Variants in KIF26B observed in about 807,000 individuals in gnomAD.
The protein encoded by KIF26B is kinesin-like protein KIF26B.
In KIF26B, 63 loss-of-function variants were observed where a neutral mutation model predicts 151.2. That is an observed-to-expected ratio of 0.42 (90% CI 0.34 to 0.51). The LOEUF is 0.51. KIF26B is among the 20% of genes least tolerant of loss of function. The probability of loss-of-function intolerance (pLI) is 0.07; values close to 1 mark genes in which losing one functional copy is unlikely to be tolerated. For missense variants in KIF26B, 2,813 were observed against 2,913.6 expected, an observed-to-expected ratio of 0.97 and a Z score of 0.79; for synonymous variants, 1,357 against 1,262.1, an observed-to-expected ratio of 1.08 and a Z score of -1.59.
rs532393877 is a variant in KIF26B at position 245,186,011 on chromosome 1, A to G, written c.465+29328A>G. 1.4e-4 allele frequency among the ~76,000 whole-genome samples: 21 copies of G among 152,080 alleles called. 2 individuals are homozygous for G. The East Asian group carries it at 3.5e-3, about 25-fold the overall frequency. ...TGCCTCAGCCTCCTGAGTAGCTGGG[A>G]TTACAGGTGCCCGCCACCACGTCCA... On this transcript the variant is annotated intron_variant, in intron 2 of 14. Coordinates refer to ENST00000407071, the MANE Select transcript of KIF26B (RefSeq NM_018012.4).
At chr1:245,569,685 G>A (rs986648634) in intron 5 of KIF26B, among the ~76,000 whole-genome samples, 8 of 151,718 alleles carry the variant, frequency 5.3e-5, no homozygotes, top group African/African-American at 1.7e-4. Flanking sequence ...CCAGCTACTC[G>A]GGAGGCTGAG....
intron 2 of KIF26B, among the ~76,000 whole-genome samples, chr1:245,184,081 A>AG: frequency 3.0e-4 from 1 of 3,326 alleles, no homozygotes; most frequent in East Asian, 0.016. Context: ...AGCTTTCTTA[A>AG]GTATACCTGT....
intron 4 of KIF26B, among the ~76,000 whole-genome samples, chr1:245,429,095 G>T (rs1658716197): frequency 6.6e-6 from 1 of 152,168 alleles, no homozygotes; most frequent in Admixed American, 6.5e-5. Context: ...CTTGAGGCAA[G>T]TAACTTAACC....
At position 245,440,896 on chromosome 1, in the gene KIF26B, G is replaced by A. The variant is rs371106665; in HGVS notation, c.1166+21151G>A. On this transcript the variant is annotated intron_variant, in intron 4 of 14. Coordinates refer to ENST00000407071, the MANE Select transcript of KIF26B (RefSeq NM_018012.4). ...GGGACAGTCTCACAGGCAGGCTGCCGTAGGATGACCTCAGGTGTCCCATGT... is the reference window on the plus strand; with the variant it reads ...GGGACAGTCTCACAGGCAGGCTGCCATAGGATGACCTCAGGTGTCCCATGT... 7.9e-5 allele frequency among the ~76,000 whole-genome samples: 12 copies of A among 152,316 alleles called. No homozygotes were observed. In the East Asian group the frequency reaches 1.7e-3, roughly 22 times the overall value.
chr1:245,494,438 T>C (rs1166067833), intron 4 of KIF26B, among the ~76,000 whole-genome samples: 1 of 152,192 alleles, frequency 6.6e-6, no homozygotes, highest in Non-Finnish European at 1.5e-5. Flanking sequence ...AGACAAGCGA[T>C]ACAAAATCTC....
Position 245,324,933 on chromosome 1 carries a change from T to A in KIF26B, c.466-41901T>A, listed in dbSNP as rs547254239. 4.6e-3 allele frequency among the ~76,000 whole-genome samples: 699 copies of A among 151,038 alleles called. 8 individuals carry two copies. The highest frequency in any genetic ancestry group is 6.9e-3 in the Non-Finnish European group (465 of 67,630). On this transcript the variant is annotated intron_variant, in intron 2 of 14. Coordinates refer to ENST00000407071, the MANE Select transcript of KIF26B (RefSeq NM_018012.4). ...AACATGGTGAAATCCCGTCTCTACT[T>A]AAAATACAAAAATTAGCCAGGTGTG...
At chr1:245,624,586 C>T (rs2043703152) in intron 9 of KIF26B, among the ~76,000 whole-genome samples, 1 of 152,222 alleles carries the variant, frequency 6.6e-6, no homozygotes, top group Non-Finnish European at 1.5e-5. Flanking sequence ...CCCTTCAAAT[C>T]TTCTGTCCTT....
chr1:245,371,923 G>C (rs569143542), intron 3 of KIF26B, among the ~76,000 whole-genome samples: 3 of 152,318 alleles, frequency 2.0e-5, no homozygotes, highest in Admixed American at 6.5e-5. Context: ...TGATTTAATA[G>C]GAGATTATAA....
chr1:245,589,072 T>C (rs1372563289), intron 5 of KIF26B, among the ~76,000 whole-genome samples: 1 of 152,184 alleles, frequency 6.6e-6, no homozygotes, highest in Non-Finnish European at 1.5e-5. Flanking sequence ...TACGTCGGGC[T>C]CTTAAGAAAG....
At position 245,419,566 on chromosome 1, in the gene KIF26B, T is replaced by A. The variant is rs1658421462; in HGVS notation, c.1000-13T>A. The stretch of plus-strand genomic sequence containing the variant: ...CCACAGGTAATGAGCTCCGTATCCA[T>A]TTTCTTTGTCAGATCTCCCAGCTGA... On this transcript the variant is annotated splice_polypyrimidine_tract_variant and intron_variant, in intron 3 of 14. Coordinates refer to ENST00000407071, the MANE Select transcript of KIF26B (RefSeq NM_018012.4). 1.2e-6 allele frequency: 2 copies of A among 1,602,904 alleles called. No individual in the cohort carries two copies. The highest frequency in any genetic ancestry group is 1.3e-5 in the African/African-American group (1 of 74,634).
chr1:245,552,758 C>T (rs1661923986), intron 5 of KIF26B, among the ~76,000 whole-genome samples: 1 of 152,086 alleles, frequency 6.6e-6, no homozygotes, highest in Non-Finnish European at 1.5e-5. Context: ...TGCCACCACT[C>T]CCGGCTAATT....
chr1:245,629,885 A>C (rs2043762116), intron 9 of KIF26B, among the ~76,000 whole-genome samples: 1 of 113,794 alleles, frequency 8.8e-6, no homozygotes. Flanking sequence ...CAAGGAACCT[A>C]AATTTACAAG....
At chr1:245,668,457 T>C (rs1398090588) in intron 10 of KIF26B, among the ~76,000 whole-genome samples, 2 of 152,212 alleles carry the variant, frequency 1.3e-5, no homozygotes, top group Non-Finnish European at 2.9e-5. Flanking sequence ...CACATCATTC[T>C]CCTTTAAAAT....
At chr1:245,680,522 G>A (rs58377401) in intron 10 of KIF26B, among the ~76,000 whole-genome samples, 14 of 152,232 alleles carry the variant, frequency 9.2e-5, no homozygotes, top group African/African-American at 3.1e-4. Flanking sequence ...GTGGGGAGTC[G>A]CGGAAATACA....
chr1:245,416,385 G>A (rs986139530), intron 3 of KIF26B, among the ~76,000 whole-genome samples: 4 of 152,154 alleles, frequency 2.6e-5, no homozygotes, highest in East Asian at 1.9e-4. Flanking sequence ...GTAGATACAC[G>A]TGAGCAGTAG....
chr1:245,590,570 G>A (rs1290800026), intron 5 of KIF26B, among the ~76,000 whole-genome samples: 1 of 152,156 alleles, frequency 6.6e-6, no homozygotes, highest in African/African-American at 2.4e-5. Context: ...GCAGAAGAGC[G>A]TGGTGGAAGT....
In KIF26B at chr1:245,318,284, G is replaced by A. The variant is rs1285222839; in HGVS notation, c.466-48550G>A. Among the ~76,000 whole-genome samples the A allele has an allele frequency of 1.3e-5, 2 of 152,128 alleles. No homozygotes were observed. The highest frequency in any genetic ancestry group is 2.4e-5 in the African/African-American group (1 of 41,414). On this transcript the variant is annotated intron_variant, in intron 2 of 14. Transcript: ENST00000407071. The surrounding 1 kb of genome is among the most constrained non-coding windows in gnomAD (Gnocchi z 4.0). ...GTCAACTCTTGTCATTGCTTGGGGGGTAAAGGCAATACAAGGAATGACTGG... is the reference window on the plus strand; with the variant it reads ...GTCAACTCTTGTCATTGCTTGGGGGATAAAGGCAATACAAGGAATGACTGG...
rs1476018289 is a variant in KIF26B at position 245,549,599 on chromosome 1, T to TA, written c.1350+8656dup. On this transcript the variant is annotated intron_variant, in intron 5 of 14. Transcript: ENST00000407071. Reference sequence around the variant, plus strand: ...TGGGATCGATAGAAATATTTTATGTTAAAAAAATGGTGAGTCCAAACTGCT... The same window carrying TA: ...TGGGATCGATAGAAATATTTTATGTTAAAAAAAATGGTGAGTCCAAACTGCT... Among the ~76,000 whole-genome samples, 4 of 152,266 alleles carry TA rather than the reference T, an allele frequency of 2.6e-5. No individual in the cohort carries two copies. The East Asian group carries it at 5.8e-4, about 22-fold the overall frequency.
intron 4 of KIF26B, among the ~76,000 whole-genome samples, chr1:245,493,753 T>TC (rs1293067455): frequency 1.3e-5 from 2 of 152,282 alleles, no homozygotes; most frequent in African/African-American, 4.8e-5. Flanking sequence ...CTCTCCCTGT[T>TC]CATCTGCTGA....
Sources: gnomAD v4.1 joint callset for allele counts (sites outside exome capture counted in the v4.1 genomes callset) on GRCh38, gnomAD v4.1.1 for gene constraint, Gnocchi (gnomAD v3.1) non-coding constraint, MANE v1.5 for transcripts, NCBI Gene and HGNC (gene_info 2026-07-23, HGNC 2026-07-21) for gene names.